DOK6: variants seen among roughly 807,000 people sequenced by gnomAD.
DOK6 encodes downstream of tyrosine kinase 6.
Under a neutral mutation model 44.0 loss-of-function variants are expected in DOK6, and 22 were observed. The ratio of observed to expected loss-of-function variants is 0.50; its 90% confidence interval spans 0.36 to 0.71. DOK6 has a LOEUF of 0.71. DOK6 is among the 30% of genes least tolerant of loss of function. The pLI, the probability that DOK6 is intolerant of heterozygous loss-of-function variation, is 0.00. For synonymous variants in DOK6, 166 were observed against 145.5 expected (o/e 1.14, Z -1.01); for missense variants, 340 against 416.4 (o/e 0.82, Z 1.60).
Position 69,591,179 on chromosome 18 carries a change from A to T in DOK6, c.175-8205A>T, listed in dbSNP as rs574346542. On this transcript the variant is annotated intron_variant, in intron 2 of 7. Transcript: ENST00000382713. ...TTAAGAATCTCCTTGATGAAGTAGT[A>T]AGAAATACTAATTTTACATCTAGAC... is the stretch of plus-strand genomic sequence containing the variant. Among the ~76,000 whole-genome samples the T allele has an allele frequency of 3.3e-5, 5 of 152,288 alleles. No individual in the cohort carries two copies. In the South Asian group the frequency reaches 1.0e-3, roughly 32 times the overall value.
chr18:69,440,753 AACACAC>A (rs55904998), intron 1 of DOK6, among the ~76,000 whole-genome samples: 27 of 149,912 alleles, frequency 1.8e-4, no homozygotes, highest in African/African-American at 6.4e-4. Flanking sequence ...TACACACACA[AACACAC>A]ACACACACAC....
chr18:69,673,420 CA>C (rs960092695), intron 3 of DOK6, among the ~76,000 whole-genome samples: 1 of 152,146 alleles, frequency 6.6e-6, no homozygotes, highest in Admixed American at 6.5e-5. Context: ...TGATCCCCTT[CA>C]AATCAGAATT....
chr18:69,556,770 T>C (rs1599190181), intron 1 of DOK6, among the ~76,000 whole-genome samples: 1 of 152,356 alleles, frequency 6.6e-6, no homozygotes, highest in East Asian at 1.9e-4. Context: ...AGCCATTAAA[T>C]ATAAGCTAGT....
At chr18:69,698,631 T>G in intron 5 of DOK6, 38 bp downstream of exon 5, 1 of 1,594,012 alleles carries the variant, frequency 6.3e-7, no homozygotes, top group Middle Eastern at 2.1e-4. Flanking sequence ...AGGAGTTGTC[T>G]GTATAACAGA....
intron 1 of DOK6, among the ~76,000 whole-genome samples, chr18:69,461,939 TGTC>T (rs369203071): frequency 9.6e-4 from 147 of 152,334 alleles, no homozygotes; most frequent in African/African-American, 3.4e-3. Context: ...TAATCCTTGT[TGTC>T]GCCTATAGGA....
intron 7 of DOK6, among the ~76,000 whole-genome samples, chr18:69,784,678 C>T (rs2145092514): frequency 6.6e-6 from 1 of 151,980 alleles, no homozygotes; most frequent in East Asian, 1.9e-4. Flanking sequence ...TATTCCTAAG[C>T]ACTTATCAAA....
intron 1 of DOK6, among the ~76,000 whole-genome samples, chr18:69,561,277 A>T (rs774089799): frequency 1.3e-5 from 2 of 150,902 alleles, no homozygotes; most frequent in Non-Finnish European, 3.0e-5. Flanking sequence ...TGTCTGTCTG[A>T]TTCCAGAGCT....
At chr18:69,523,579 G>A (rs1314524006) in intron 1 of DOK6, among the ~76,000 whole-genome samples, 2 of 151,804 alleles carry the variant, frequency 1.3e-5, no homozygotes, top group Admixed American at 6.6e-5. Context: ...GAAAACAAAT[G>A]TTTATTCAAT....
intron 1 of DOK6, among the ~76,000 whole-genome samples, chr18:69,465,470 C>T (rs1198362916): frequency 6.6e-6 from 1 of 151,624 alleles, no homozygotes; most frequent in Non-Finnish European, 1.5e-5. Context: ...CCCCACCCCA[C>T]AACAGTCCCC....
chr18:69,602,232 G>A (rs1179894844), intron 3 of DOK6, among the ~76,000 whole-genome samples: 1 of 152,118 alleles, frequency 6.6e-6, no homozygotes, highest in Admixed American at 6.5e-5. Flanking sequence ...AGGTGACCAA[G>A]GTGAAGATCA....
intron 1 of DOK6, among the ~76,000 whole-genome samples, chr18:69,442,769 A>AT (rs1283960996): frequency 6.8e-6 from 1 of 146,656 alleles, no homozygotes; most frequent in African/African-American, 2.8e-5. Flanking sequence ...TTATTGTCTT[A>AT]TACTATACTT....
chr18:69,477,767 A>G lies in DOK6; in HGVS notation c.66+76457A>G, dbSNP rs151097243. Among the ~76,000 whole-genome samples, 16 of 152,332 alleles carry G rather than the reference A, an allele frequency of 1.1e-4. No individual in the cohort carries two copies. The East Asian group carries it at 1.4e-3, about 13-fold the overall frequency. On this transcript the variant is annotated intron_variant, in intron 1 of 7. Coordinates refer to ENST00000382713, the MANE Select transcript of DOK6 (RefSeq NM_152721.6). ...TTTCCTGCATGATCAATATTCATTTATCAGTTTAACAGCCAAGAAGATAAC... is the reference window on the plus strand; with the variant it reads ...TTTCCTGCATGATCAATATTCATTTGTCAGTTTAACAGCCAAGAAGATAAC...
At chr18:69,434,424 C>T (rs1056291620) in intron 1 of DOK6, among the ~76,000 whole-genome samples, 9 of 152,140 alleles carry the variant, frequency 5.9e-5, no homozygotes, top group Admixed American at 1.3e-4. Flanking sequence ...AAGTGCCCTA[C>T]ATGTAGGATG....
intron 3 of DOK6, among the ~76,000 whole-genome samples, chr18:69,664,418 T>C (rs1312942531): frequency 2.6e-5 from 4 of 152,372 alleles, no homozygotes; most frequent in Non-Finnish European, 5.9e-5. Context: ...AATGATCATC[T>C]TTATGCAAAT....
In DOK6 at chr18:69,401,188, G is replaced by A. The variant is rs944058237; in HGVS notation, c.-57G>A. 1.3e-6 allele frequency: 2 copies of A among 1,492,542 alleles called. No homozygotes were observed. The highest frequency in any genetic ancestry group is 2.3e-5 in the Admixed American group (1 of 43,716). 92.5% of individuals were successfully genotyped at this position (1,492,542 alleles called of 1,614,324 possible). A position where few individuals can be genotyped will look rare whatever the true frequency, so the allele number is the denominator to read the frequency against. On this transcript the variant is annotated 5_prime_UTR_variant, in exon 1 of 8. Transcript: ENST00000382713. ...ACCCGCGCAGACCCGGCGGCGGACG[G>A]CGGCTCTCGACTCCGGAGAGCGGAT... is the stretch of plus-strand genomic sequence containing the variant.
chr18:69,658,678 A>G (rs927813565), intron 3 of DOK6, among the ~76,000 whole-genome samples: 3 of 152,118 alleles, frequency 2.0e-5, no homozygotes, highest in Non-Finnish European at 4.4e-5. Context: ...GTATTTCTCT[A>G]TTTATTTCAT....
chr18:69,803,761 A>G (rs1980971774), intron 7 of DOK6, among the ~76,000 whole-genome samples: 1 of 152,164 alleles, frequency 6.6e-6, no homozygotes, highest in African/African-American at 2.4e-5. Context: ...CGGGAGGCTG[A>G]GGCAGAAGAA....
chr18:69,834,126 C>T (rs1385659447), intron 7 of DOK6, among the ~76,000 whole-genome samples: 2 of 152,112 alleles, frequency 1.3e-5, no homozygotes, highest in Non-Finnish European at 2.9e-5. Context: ...AGAGAATCAA[C>T]CTATGTCCAT....
At chr18:69,612,521 A>G (rs1463070128) in intron 3 of DOK6, among the ~76,000 whole-genome samples, 1 of 109,378 alleles carries the variant, frequency 9.1e-6, no homozygotes, top group Non-Finnish European at 1.9e-5. Context: ...TCGTCTGCCT[A>G]CCCCAGCCTG....
Sources: allele counts gnomAD v4.1 joint callset (sites outside exome capture counted in the v4.1 genomes callset), GRCh38; gene constraint gnomAD v4.1.1; transcripts MANE v1.5; gene names NCBI Gene and HGNC (gene_info 2026-07-23, HGNC 2026-07-21).